The following GTF2A1L variants were observed in gnomAD, a reference collection of about 807,000 sequenced individuals.
The protein encoded by GTF2A1L is TFIIA-alpha and beta-like factor.
In GTF2A1L, 48 loss-of-function variants were observed where a neutral mutation model predicts 49.7. The ratio of observed to expected loss-of-function variants is 0.97; its 90% CI spans 0.77 to 1.23. The LOEUF is 1.23. Ranked by LOEUF, GTF2A1L falls within the 50% of genes most tolerant of loss-of-function variation. The pLI, the probability that GTF2A1L is intolerant of heterozygous loss-of-function variation, is 0.00. For missense variants in GTF2A1L, 736 were observed against 564.8 expected (o/e 1.30, Z -3.07); for synonymous variants, 246 against 193.5 (o/e 1.27, Z -2.25).
intron 6 of GTF2A1L, among the ~76,000 whole-genome samples, chr2:48,668,281 T>G (rs1205926996): frequency 6.6e-6 from 1 of 152,196 alleles, no homozygotes; most frequent in East Asian, 1.9e-4. Flanking sequence ...AACCTGTTGC[T>G]TATGTAATAT....
chr2:48,656,903 A>G (rs916266793), intron 6 of GTF2A1L, among the ~76,000 whole-genome samples: 3 of 152,088 alleles, frequency 2.0e-5, no homozygotes, highest in Admixed American at 6.6e-5. Context: ...CAACTCCATT[A>G]TTTTCAATGT....
At chr2:48,638,757 C>G (rs1558721018) in intron 3 of GTF2A1L, among the ~76,000 whole-genome samples, 1 of 151,996 alleles carries the variant, frequency 6.6e-6, no homozygotes, top group Non-Finnish European at 1.5e-5. Flanking sequence ...TAAAGGACAT[C>G]CAAATAGAAA....
intron 6 of GTF2A1L, among the ~76,000 whole-genome samples, chr2:48,657,813 G>A (rs903183003): frequency 1.1e-4 from 17 of 151,698 alleles, no homozygotes; most frequent in Middle Eastern, 6.8e-3. Context: ...TGTGTGAGAT[G>A]ATATCTTATT....
chr2:48,647,656 G>T (rs188292212), intron 6 of GTF2A1L, among the ~76,000 whole-genome samples: 1 of 151,480 alleles, frequency 6.6e-6, no homozygotes, highest in African/African-American at 2.4e-5. Context: ...GAGGGATTAT[G>T]TTGCTAGTAA....
At chr2:48,620,990 T>C (rs1452378215) in intron 2 of GTF2A1L, 38 bp downstream of exon 2, 1 of 1,587,490 alleles carries the variant, frequency 6.3e-7, no homozygotes, top group Non-Finnish European at 8.6e-7. Flanking sequence ...CTGTCTTTTG[T>C]TGTTTTTTTC....
At chr2:48,647,076 G>A in intron 6 of GTF2A1L, 34 bp downstream of exon 6, 1 of 1,512,354 alleles carries the variant, frequency 6.6e-7, no homozygotes, top group East Asian at 2.3e-5. Context: ...TGGTATCAGG[G>A]GACAGATAGT....
At chr2:48,620,993 T>C (rs1339757760) in intron 2 of GTF2A1L, 41 bp downstream of exon 2, 1 of 1,581,280 alleles carries the variant, frequency 6.3e-7, no homozygotes, top group Non-Finnish European at 8.6e-7. Flanking sequence ...TCTTTTGTTG[T>C]TTTTTTCAGC....
At chr2:48,657,937 C>G (rs994534651) in intron 6 of GTF2A1L, among the ~76,000 whole-genome samples, 2 of 152,040 alleles carry the variant, frequency 1.3e-5, no homozygotes, top group Non-Finnish European at 2.9e-5. Flanking sequence ...CATTTGCCTA[C>G]TTTTTAACGT....
intron 3 of GTF2A1L, among the ~76,000 whole-genome samples, chr2:48,641,790 T>C (rs1330768229): frequency 6.6e-6 from 1 of 152,194 alleles, no homozygotes; most frequent in Non-Finnish European, 1.5e-5. Flanking sequence ...AAAGGAAAGA[T>C]ATATGGGACT....
At chr2:48,650,321 A>G (rs933653069) in intron 6 of GTF2A1L, among the ~76,000 whole-genome samples, 3 of 152,170 alleles carry the variant, frequency 2.0e-5, no homozygotes, top group Non-Finnish European at 2.9e-5. Flanking sequence ...AAAAAAGTGC[A>G]GGTCTACCCT....
chr2:48,669,837 G>A lies in GTF2A1L; in HGVS notation c.1094G>A (p.Arg365Lys). The A allele has an allele frequency of 6.2e-7, 1 of 1,614,052 alleles. No homozygotes were observed. Among genetic ancestry groups the A allele is most frequent in the East Asian group, 2.2e-5 (1 of 44,844 alleles). ...TCCAATGAAGAAATAGGAAGTACAA[G>A]AGATGCAGATGAGAATGAATTTCTA... ...TSSNEEIGST[R>K]DADENEFLGN... The change falls in exon 7 of 9, where the codon AGA becomes AAA. Residue 365 changes from arginine (R) to lysine (K), a missense_variant. Transcript: ENST00000403751.
chr2:48,622,344 T>C (rs371999566), intron 3 of GTF2A1L, among the ~76,000 whole-genome samples: 1 of 152,260 alleles, frequency 6.6e-6, no homozygotes, highest in Non-Finnish European at 1.5e-5. Flanking sequence ...GTCTTGGCAG[T>C]TTTAATTGTT....
intron 7 of GTF2A1L, 151 bp downstream of exon 7, chr2:48,670,133 A>C (rs11899239): frequency 0.32 from 375,547 of 1,176,546 alleles, 64,032 homozygotes; most frequent in African/African-American, 0.49. Flanking sequence ...TGGCTCACAC[A>C]TGTAATCCCA....
At chr2:48,628,035 G>T (rs1676383463) in intron 3 of GTF2A1L, among the ~76,000 whole-genome samples, 1 of 144,072 alleles carries the variant, frequency 6.9e-6, no homozygotes, top group African/African-American at 2.5e-5. Flanking sequence ...CAGCATTCGT[G>T]TTGCTGCAAA....
At chr2:48,671,108 C>T (rs975825009) in intron 7 of GTF2A1L, among the ~76,000 whole-genome samples, 1 of 152,068 alleles carries the variant, frequency 6.6e-6, no homozygotes, top group African/African-American at 2.4e-5. Context: ...AAGCATGAAC[C>T]ACTGCACCCG....
intron 8 of GTF2A1L, among the ~76,000 whole-genome samples, chr2:48,673,555 G>A (rs1679290732): frequency 6.6e-6 from 1 of 151,868 alleles, no homozygotes; most frequent in African/African-American, 2.4e-5. Flanking sequence ...GTAGAGATGG[G>A]GTTTCACCGT....
rs1036177888 is a variant in GTF2A1L at position 48,623,143 on chromosome 2, C to G, written c.247+1853C>G. On this transcript the variant is annotated intron_variant, in intron 3 of 8. Transcript: ENST00000403751. ...TAGGCTTGTTCCTGTCTCTCTTCAT[C>G]TTTAGGTACCAAACAGTAAGATTCT... Among the ~76,000 whole-genome samples the G allele has an allele frequency of 1.4e-4, 21 of 152,244 alleles. 1 individual carries two copies. The South Asian group carries it at 4.4e-3, about 32-fold the overall frequency.
chr2:48,643,731 C>T (rs1232698775), intron 4 of GTF2A1L, among the ~76,000 whole-genome samples: 1 of 129,216 alleles, frequency 7.7e-6, no homozygotes, highest in Non-Finnish European at 1.6e-5. Context: ...CAGAGTCTTA[C>T]TCTGTCACCC....
intron 4 of GTF2A1L, among the ~76,000 whole-genome samples, chr2:48,644,634 C>T (rs1171459954): frequency 6.6e-6 from 1 of 152,010 alleles, no homozygotes; most frequent in African/African-American, 2.4e-5. Context: ...AGGGTTGTAC[C>T]AATATACATT....
Sources: allele counts gnomAD v4.1 joint callset (sites outside exome capture counted in the v4.1 genomes callset), GRCh38; gene constraint gnomAD v4.1.1; transcripts MANE v1.5; gene names NCBI Gene and HGNC (gene_info 2026-07-23, HGNC 2026-07-21).